The following IL1RAPL1 variants were observed in gnomAD, a reference collection of about 807,000 sequenced individuals.
IL1RAPL1 encodes the protein interleukin-1 receptor accessory protein-like 1.
IL1RAPL1 carries 3 observed loss-of-function variants against 48.4 expected under a neutral mutation model. The observed-to-expected ratio is 0.06, with a 90% CI of 0.03 to 0.16. The LOEUF (loss-of-function observed/expected upper bound fraction) is 0.16, where lower values mean the gene tolerates loss of function less well. IL1RAPL1 is among the 10% of genes least tolerant of loss of function. The pLI is 1.00. For synonymous variants in IL1RAPL1, 185 were observed against 187.7 expected (o/e 0.99, Z 0.12); for missense variants, 349 against 530.6 (o/e 0.66, Z 3.36).
intron 1 of IL1RAPL1, among the ~76,000 whole-genome samples, chrX:28,781,764 A>T (rs1212482903): frequency 9.0e-6 from 1 of 111,181 alleles, no homozygotes; most frequent in Non-Finnish European, 1.9e-5. Context: ...TAGAAGCAGG[A>T]TGATTGATTC....
chrX:29,904,822 G>T (rs1451158221), intron 6 of IL1RAPL1, among the ~76,000 whole-genome samples: 3 of 111,910 alleles, frequency 2.7e-5, no homozygotes, highest in Non-Finnish European at 5.6e-5. Flanking sequence ...AAATAGTGCT[G>T]CAATACACAT....
At chrX:28,872,027 A>G (rs1922218828) in intron 2 of IL1RAPL1, among the ~76,000 whole-genome samples, 1 of 111,618 alleles carries the variant, frequency 9.0e-6, no homozygotes, top group South Asian at 3.8e-4. Flanking sequence ...CTATTATTAG[A>G]GATAGGGTCT....
chrX:28,599,760 T>C (rs1434713950), intron 1 of IL1RAPL1, among the ~76,000 whole-genome samples: 1 of 111,977 alleles, frequency 8.9e-6, no homozygotes, highest in African/African-American at 3.2e-5. Context: ...ATGTGTTCAA[T>C]TGGGCTCCCT....
chrX:28,618,794 A>G (rs979327009), intron 1 of IL1RAPL1, among the ~76,000 whole-genome samples: 1 of 112,453 alleles, frequency 8.9e-6, no homozygotes, highest in Non-Finnish European at 1.9e-5. Flanking sequence ...AGCCACTTAA[A>G]TATTCTGTGG....
chrX:29,755,973 T>C (rs1928602817), intron 6 of IL1RAPL1, among the ~76,000 whole-genome samples: 1 of 112,373 alleles, frequency 8.9e-6, no homozygotes, highest in Non-Finnish European at 1.9e-5. Flanking sequence ...ATTAACTGTA[T>C]GGTTTTGGAC....
chrX:29,323,487 T>G (rs1488768025), intron 3 of IL1RAPL1, among the ~76,000 whole-genome samples: 1 of 104,778 alleles, frequency 9.5e-6, no homozygotes, highest in Non-Finnish European at 1.9e-5. Context: ...CTGTTTTCTT[T>G]CCTTTGTGAA....
intron 2 of IL1RAPL1, among the ~76,000 whole-genome samples, chrX:28,868,023 C>T (rs1238013037): frequency 2.7e-5 from 3 of 111,390 alleles, no homozygotes; most frequent in Admixed American, 1.9e-4. Context: ...TTATATTTAC[C>T]TTCTTAAACC....
At chrX:29,728,091 C>A (rs980077748) in intron 6 of IL1RAPL1, among the ~76,000 whole-genome samples, 1 of 110,586 alleles carries the variant, frequency 9.0e-6, no homozygotes, top group Non-Finnish European at 1.9e-5. Flanking sequence ...GCGCCTGCCA[C>A]CACGCCCAGC....
chrX:29,308,625 G>A (rs1404122721), intron 3 of IL1RAPL1, among the ~76,000 whole-genome samples: 1 of 112,160 alleles, frequency 8.9e-6, no homozygotes, highest in African/African-American at 3.2e-5. Context: ...TAAACAATAT[G>A]TGTTATTATA....
At chrX:29,076,280 T>A (rs1359811339) in intron 2 of IL1RAPL1, among the ~76,000 whole-genome samples, 1 of 111,854 alleles carries the variant, frequency 8.9e-6, no homozygotes, top group East Asian at 2.8e-4. Flanking sequence ...TACCCTTCTA[T>A]CCAACTCTTC....
chrX:29,249,028 G>A (rs894737817), intron 2 of IL1RAPL1, among the ~76,000 whole-genome samples: 8 of 111,341 alleles, frequency 7.2e-5, no homozygotes, highest in African/African-American at 2.6e-4. Context: ...AAATGAAAAA[G>A]TAGGGGATTC....
chrX:29,676,606 T>C (rs1326015765), intron 6 of IL1RAPL1, among the ~76,000 whole-genome samples: 5 of 111,793 alleles, frequency 4.5e-5, no homozygotes, highest in Non-Finnish European at 9.4e-5. Context: ...GAAAACTATC[T>C]CTATTCTTAT....
chrX:28,628,570 T>A (rs1489126858), intron 1 of IL1RAPL1, among the ~76,000 whole-genome samples: 1 of 112,336 alleles, frequency 8.9e-6, no homozygotes, highest in Non-Finnish European at 1.9e-5. Flanking sequence ...GAATAAGAAA[T>A]GCTGAAGCCT....
At chrX:28,613,214 T>A (rs190178818) in intron 1 of IL1RAPL1, among the ~76,000 whole-genome samples, 151 of 112,607 alleles carry the variant, frequency 1.3e-3, no homozygotes, top group African/African-American at 4.4e-3. Context: ...ACTAAAAATC[T>A]TCTGTTAATT....
chrX:29,913,825 A>G (rs1347210564), intron 6 of IL1RAPL1, among the ~76,000 whole-genome samples: 5 of 111,122 alleles, frequency 4.5e-5, no homozygotes, highest in African/African-American at 1.3e-4. Context: ...CACATGCCAT[A>G]CATAGAACAG....
At chrX:28,720,735 T>A (rs968720977) in intron 1 of IL1RAPL1, among the ~76,000 whole-genome samples, 2 of 111,610 alleles carry the variant, frequency 1.8e-5, no homozygotes, top group African/African-American at 6.5e-5. Flanking sequence ...TATCTCCTAA[T>A]GCTTTCCCTC....
chrX:29,908,469 T>G (rs1832420041), intron 6 of IL1RAPL1, among the ~76,000 whole-genome samples: 1 of 110,173 alleles, frequency 9.1e-6, no homozygotes, highest in Non-Finnish European at 1.9e-5. Flanking sequence ...ATTTTGCATA[T>G]TCTCTTTTGA....
At chrX:28,625,443 C>G (rs1934329892) in intron 1 of IL1RAPL1, among the ~76,000 whole-genome samples, 1 of 111,889 alleles carries the variant, frequency 8.9e-6, no homozygotes, top group African/African-American at 3.2e-5. Context: ...AGGCAGAAGG[C>G]CTCCTGCTCA....
chrX:28,980,101 C>T (rs976596985), intron 2 of IL1RAPL1, among the ~76,000 whole-genome samples: 1 of 112,416 alleles, frequency 8.9e-6, no homozygotes, highest in African/African-American at 3.2e-5. Flanking sequence ...CTACATCAAT[C>T]ACCAAACATG....
Sources: gnomAD v4.1 joint callset for allele counts (sites outside exome capture counted in the v4.1 genomes callset) on GRCh38, gnomAD v4.1.1 for gene constraint, MANE v1.5 for transcripts, NCBI Gene and HGNC (gene_info 2026-07-23, HGNC 2026-07-21) for gene names.